Variants in ZNF805 observed in about 807,000 individuals in gnomAD.
ZNF805 encodes CTC-444N24.8.
A neutral mutation model predicts 13.6 loss-of-function variants in ZNF805; 7 were observed. That is an observed-to-expected ratio of 0.51 (90% CI 0.29 to 0.97). The LOEUF is 0.97. Among genes scored for constraint, ZNF805 ranks in the 50% least tolerant of loss-of-function variants. The pLI, the probability that ZNF805 is intolerant of heterozygous loss-of-function variation, is 0.08. For missense variants in ZNF805, 604 were observed against 771.0 expected, an observed-to-expected ratio of 0.78 and a Z score of 2.57; for synonymous variants, 293 against 279.8, an observed-to-expected ratio of 1.05 and a Z score of -0.47.
chr19:57,257,787 A>G lies in ZNF805; in HGVS notation c.*3084A>G, dbSNP rs10404421. Among the ~76,000 whole-genome samples, 26,967 of 139,060 alleles carry G rather than the reference A, an allele frequency of 0.19. 2,584 individuals are homozygous for G. The highest frequency in any genetic ancestry group is 0.23 in the Middle Eastern group (51 of 222). 91.2% of individuals were successfully genotyped at this position (139,060 alleles called of 152,430 possible). A position where few individuals can be genotyped will look rare whatever the true frequency, so the allele number is the denominator to read the frequency against. On this transcript the variant is annotated 3_prime_UTR_variant, in exon 4 of 4. Transcript: ENST00000414468. ...AGTGGTGCGATCTCCGCTCACTGCA[A>G]CCTCCGCCTCCTGGGTTCAAGTGAT... is the stretch of plus-strand genomic sequence containing the variant.
At position 57,257,848 on chromosome 19, in the gene ZNF805, A is replaced by C. The variant is rs1273535544; in HGVS notation, c.*3145A>C. Among the ~76,000 whole-genome samples the C allele has an allele frequency of 6.6e-6, 1 of 151,438 alleles. No individual in the cohort carries two copies. Among genetic ancestry groups the C allele is most frequent in the Non-Finnish European group, 1.5e-5 (1 of 67,912 alleles). ...CAGGCTCTTGAGTAGCTGGGATTAC[A>C]GGCATCCGCCACCATGCCTGACTGA... On this transcript the variant is annotated 3_prime_UTR_variant, in exon 4 of 4. Coordinates refer to ENST00000414468, the MANE Select transcript of ZNF805 (RefSeq NM_001023563.4).
chr19:57,245,958 G>C (rs1006397456), intron 2 of ZNF805, among the ~76,000 whole-genome samples: 1 of 152,166 alleles, frequency 6.6e-6, no homozygotes, highest in Non-Finnish European at 1.5e-5. Context: ...TTCAGAGAGT[G>C]CTTGGACAGA....
intron 1 of ZNF805, among the ~76,000 whole-genome samples, chr19:57,241,490 G>C (rs959266991): frequency 6.6e-6 from 1 of 152,116 alleles, no homozygotes; most frequent in African/African-American, 2.4e-5. Context: ...CTTAATAATT[G>C]CTTGAAGGAT....
rs2087718017 is a variant in ZNF805, at chr19:57,260,528, G to C, written c.*5825G>C. Among the ~76,000 whole-genome samples the C allele has an allele frequency of 6.6e-6, 1 of 152,122 alleles. No homozygotes were observed. The highest frequency in any genetic ancestry group is 2.1e-4 in the South Asian group (1 of 4,834). On this transcript the variant is annotated 3_prime_UTR_variant, in exon 4 of 4. Transcript: ENST00000414468. The stretch of plus-strand genomic sequence containing the variant: ...CTCCATACTGCTAAATCTCTGACTT[G>C]AAGGTCCTTTCCTGGCTTCTGTGAA...
rs1191130442 is a variant in ZNF805, at chr19:57,259,727, C to T, written c.*5024C>T. 6.6e-6 allele frequency among the ~76,000 whole-genome samples: 1 copy of T among 152,120 alleles called. No individual in the cohort carries two copies. The highest frequency in any genetic ancestry group is 6.6e-5 in the Admixed American group (1 of 15,258). ...TTCACTGTGTTAGCCAGGATGGTCT[C>T]GATTTCCTGATCTGGTGATCCACCT... On this transcript the variant is annotated 3_prime_UTR_variant, in exon 4 of 4. Coordinates refer to ENST00000414468, the MANE Select transcript of ZNF805 (RefSeq NM_001023563.4).
intron 1 of ZNF805, among the ~76,000 whole-genome samples, chr19:57,241,524 TC>T (rs2087579900): frequency 6.6e-6 from 1 of 152,130 alleles, no homozygotes; most frequent in Non-Finnish European, 1.5e-5. Context: ...CTCCAGGGAC[TC>T]CCGTCACACA....
chr19:57,254,615 C>T lies in ZNF805; in HGVS notation c.1796C>T (p.Thr599Ile), dbSNP rs1210715180. 1.9e-6 allele frequency: 3 copies of T among 1,613,960 alleles called. No individual in the cohort carries two copies. The African/African-American group carries it at 4.0e-5, about 22-fold the overall frequency. ...GGGAAAAACTTTTTGAATGTCACCACTGAGGAAAATCTTTTGCAAGAGGAA... is the reference window on the plus strand; with the variant it reads ...GGGAAAAACTTTTTGAATGTCACCATTGAGGAAAATCTTTTGCAAGAGGAA... ...LLGKNFLNVT[T>I]EENLLQEEAS... The change falls in exon 4 of 4, where the codon ACT becomes ATT. Residue 599 changes from threonine to isoleucine, a missense_variant. Coordinates refer to ENST00000414468, the MANE Select transcript of ZNF805 (RefSeq NM_001023563.4).
At position 57,256,816 on chromosome 19, in the gene ZNF805, G is replaced by A. The variant is rs1177332675; in HGVS notation, c.*2113G>A. ...ATTTCACTGATATCTGCTCTGATGT[G>A]TATTGTATCCTTTCTCCTACTTGCT... On this transcript the variant is annotated 3_prime_UTR_variant, in exon 4 of 4. Coordinates refer to ENST00000414468, the MANE Select transcript of ZNF805 (RefSeq NM_001023563.4). Among the ~76,000 whole-genome samples, 3 of 152,128 alleles carry A rather than the reference G, an allele frequency of 2.0e-5. No individual in the cohort carries two copies. In the East Asian group the frequency reaches 5.8e-4, roughly 29 times the overall value.
chr19:57,250,039 C>G (rs1441466901), intron 3 of ZNF805, among the ~76,000 whole-genome samples: 3 of 152,272 alleles, frequency 2.0e-5, no homozygotes, highest in Admixed American at 1.3e-4. Flanking sequence ...ATCTTGCTCA[C>G]TCCTGCCACC....
intron 2 of ZNF805, 31 bp from the exon 3 acceptor site, chr19:57,248,574 C>T: frequency 6.6e-7 from 1 of 1,522,232 alleles, no homozygotes; most frequent in Non-Finnish European, 9.0e-7. Flanking sequence ...TCACCCACAT[C>T]CATGTGTCCA....
chr19:57,254,580 AC>A lies in ZNF805; in HGVS notation c.1762del (p.Leu588PhefsTer8). On this transcript the variant is annotated frameshift_variant, in exon 4 of 4. Transcript: ENST00000414468. LOFTEE classifies it low-confidence loss of function (END_TRUNC). ...GGCAGACCTCAGTCAACATCCAAGA[AC>A]TTTTATTGGGGAAAAACTTTTTGAA... Reference protein sequence around the residue: ...SGQTSVNIQELLLGKNFLNVT... With the variant: ...SGQTSVNIQEXLLGKNFLNVT... 1 of 1,614,174 alleles carries A rather than the reference AC, an allele frequency of 6.2e-7. No homozygotes were observed.
Position 57,253,525 on chromosome 19 carries a change from T to C in ZNF805, c.706T>C (p.Cys236Arg). 6 of 1,612,040 alleles carry C rather than the reference T, an allele frequency of 3.7e-6. No homozygotes were observed. Among genetic ancestry groups the C allele is most frequent in the Non-Finnish European group, 5.1e-6 (6 of 1,178,948 alleles). Residue 236 changes from cysteine to arginine, a missense_variant, in exon 4 of 4, where the codon TGT becomes CGT. Cys to Arg is a radical substitution (Grantham distance 180). This residue lies in a region of ZNF805 where 327 missense variants were observed against 378.2 expected (regional missense o/e 0.86). Coordinates refer to ENST00000414468, the MANE Select transcript of ZNF805 (RefSeq NM_001023563.4). This position sits in a 1 kb window ranked among gnomAD's most constrained non-coding sequence, Gnocchi z 4.4. The part of the protein sequence containing the change: ...SGVKPYECTE[C>R]GKTFSKSTYL... Reference sequence around the variant, plus strand: ...AGTGAAGCCCTATGAATGCACAGAGTGTGGAAAAACCTTTAGCAAGAGTAC... The same window carrying C: ...AGTGAAGCCCTATGAATGCACAGAGCGTGGAAAAACCTTTAGCAAGAGTAC...
In ZNF805 at chr19:57,259,343, T is replaced by C. The variant is rs771337294; in HGVS notation, c.*4640T>C. Among the ~76,000 whole-genome samples, 13 of 152,106 alleles carry C rather than the reference T, an allele frequency of 8.5e-5. No individual in the cohort carries two copies. The highest frequency in any genetic ancestry group is 1.8e-4 in the Non-Finnish European group (12 of 68,020). ...TTTCATGTTTACCCCCTTTTTCTGG[T>C]CTATTTTTCCCTTTTTTTCATATTG... On this transcript the variant is annotated 3_prime_UTR_variant, in exon 4 of 4. Coordinates refer to ENST00000414468, the MANE Select transcript of ZNF805 (RefSeq NM_001023563.4).
rs757666608 is a variant in ZNF805, at chr19:57,253,232, G to A, written c.413G>A (p.Arg138His). 12 of 1,557,920 alleles carry A rather than the reference G, an allele frequency of 7.7e-6. No individual in the cohort carries two copies. The highest frequency in any genetic ancestry group is 2.4e-5 in the East Asian group (1 of 42,060). The change falls in exon 4 of 4, where the codon CGC (arginine) becomes CAC (histidine). Residue 138 changes from arginine to histidine, a missense_variant. Transcript: ENST00000414468. This position sits in a 1 kb window ranked among gnomAD's most constrained non-coding sequence, Gnocchi z 4.4. ...QDGFSEMQGE[R>H]LRPGLDSQKE... is the part of the protein sequence containing the mutation. Reference sequence around the variant, plus strand: ...GGGTTTTCAGAAATGCAGGGAGAACGCTTGAGACCAGGGTTAGATTCCCAA... The same window carrying A: ...GGGTTTTCAGAAATGCAGGGAGAACACTTGAGACCAGGGTTAGATTCCCAA...
rs1002451230 is a variant in ZNF805, at chr19:57,262,237, C to G, written c.*7534C>G. ...TCACAGTAACTTAAATGGAAAAATGCTGAGTTAGCTTAAGTTTCTGTAACA... is the reference window on the plus strand; with the variant it reads ...TCACAGTAACTTAAATGGAAAAATGGTGAGTTAGCTTAAGTTTCTGTAACA... On this transcript the variant is annotated 3_prime_UTR_variant, in exon 4 of 4. Transcript: ENST00000414468. The G allele has an allele frequency of 1.2e-5, 2 of 166,796 alleles. No homozygotes were observed. The highest frequency in any genetic ancestry group is 4.8e-5 in the African/African-American group (2 of 41,332). 10.3% of individuals were successfully genotyped at this position (166,796 alleles called of 1,614,324 possible). A position where few individuals can be genotyped will look rare whatever the true frequency, so the allele number is the denominator to read the frequency against.
intron 1 of ZNF805, 121 bp downstream of exon 1, chr19:57,241,042 T>C (rs959133894): frequency 6.2e-5 from 69 of 1,109,610 alleles, no homozygotes; most frequent in Middle Eastern, 2.9e-4. Flanking sequence ...TTACGAAACG[T>C]GGAGCAGGCT....
intron 2 of ZNF805, among the ~76,000 whole-genome samples, chr19:57,246,273 A>G (rs1425279532): frequency 6.6e-6 from 1 of 152,092 alleles, no homozygotes; most frequent in Non-Finnish European, 1.5e-5. Flanking sequence ...TCCTGGATTC[A>G]AGCATTTCTC....
chr19:57,244,157 C>A, intron 2 of ZNF805, 108 bp downstream of exon 2: 1 of 1,384,718 alleles, frequency 7.2e-7, no homozygotes, highest in Non-Finnish European at 9.7e-7. Flanking sequence ...GCCTTGCCTC[C>A]TTCCCACAAA....
rs1333581061 is a variant in ZNF805, at chr19:57,256,642, G to T, written c.*1939G>T. 1.3e-5 allele frequency among the ~76,000 whole-genome samples: 2 copies of T among 152,050 alleles called. No individual in the cohort carries two copies. The highest frequency in any genetic ancestry group is 2.9e-5 in the Non-Finnish European group (2 of 67,964). ...TCCTTTTATCCTCTTGATGGCAGCA[G>T]GATCTGTACTTATGTTCCTTGTTGT... On this transcript the variant is annotated 3_prime_UTR_variant, in exon 4 of 4. Transcript: ENST00000414468.
Sources: gnomAD v4.1 joint callset for allele counts (sites outside exome capture counted in the v4.1 genomes callset) on GRCh38, gnomAD v4.1.1 for gene constraint, gnomAD v4.1.1 regional missense constraint, Gnocchi (gnomAD v3.1) non-coding constraint, MANE v1.5 for transcripts, NCBI Gene and HGNC (gene_info 2026-07-23, HGNC 2026-07-21) for gene names.